EXOSC10: variants seen among roughly 807,000 people sequenced by gnomAD.
EXOSC10 encodes exosome component 10.
EXOSC10 carries 94 observed loss-of-function variants against 126.6 expected under a neutral mutation model. The observed-to-expected ratio is 0.74, with a 90% CI of 0.63 to 0.88. EXOSC10 has a LOEUF of 0.88. Ranked by LOEUF, EXOSC10 falls within the 40% of genes least tolerant of loss-of-function variation. The probability of loss-of-function intolerance (pLI) is 0.00; values close to 1 mark genes in which losing one functional copy is unlikely to be tolerated. For synonymous variants in EXOSC10, 395 were observed against 400.8 expected (o/e 0.99, Z 0.17); for missense variants, 1,041 against 1,100.5 (o/e 0.95, Z 0.77).
At chr1:11,070,436 C>T (rs1012432637) in intron 21 of EXOSC10, among the ~76,000 whole-genome samples, 1 of 147,916 alleles carries the variant, frequency 6.8e-6, no homozygotes, top group Non-Finnish European at 1.5e-5. Flanking sequence ...GAGGGAGGAT[C>T]GTTTGAGCCC....
rs149082475 is a variant in EXOSC10 at position 11,069,593 on chromosome 1, G to T, written c.2454C>A (p.Tyr818Ter). The T allele has an allele frequency of 6.2e-7, 1 of 1,613,888 alleles. No individual in the cohort carries two copies. Among genetic ancestry groups the T allele is most frequent in the South Asian group, 1.1e-5 (1 of 91,052 alleles). The change falls in exon 22 of 25, where the codon TAC (tyrosine) becomes TAA (stop). Residue 818 changes from tyrosine to a stop codon, truncating the protein, a stop_gained. Transcript: ENST00000376936. LOFTEE classifies it high-confidence loss of function. ...PEPPEKEFTP[Y>*]DYSQSDFKAF... is the part of the protein sequence containing the mutation. ...CCTTGAAGTCTGACTGGCTGTAGTCGTAAGGCGTAAACTCTTTTTCTGGTG... is the reference window on the plus strand; with the variant it reads ...CCTTGAAGTCTGACTGGCTGTAGTCTTAAGGCGTAAACTCTTTTTCTGGTG...
intron 4 of EXOSC10, 39 bp downstream of exon 4, chr1:11,091,454 C>T: frequency 6.5e-7 from 1 of 1,532,354 alleles, no homozygotes; most frequent in Non-Finnish European, 9.0e-7. Flanking sequence ...TGTTATGAAG[C>T]TGACATCAAG....
At position 11,091,015 on chromosome 1, in the gene EXOSC10, T is replaced by C. The variant is rs772081303; in HGVS notation, c.642A>G (p.Gln214=). 2.5e-6 allele frequency: 4 copies of C among 1,613,752 alleles called. No homozygotes were observed. The South Asian group carries it at 4.4e-5, about 18-fold the overall frequency. ...ACAGGCAAAGTATGCACTATTTACC[T>C]TGAGGGAGAGGTTTCTGAGCATTGG... ...IKPNAQKPLP[Q]ALSKERRERP... Residue 214 remains glutamine, a splice_region_variant and synonymous_variant, in exon 5 of 25, where the codon CAA becomes CAG. Transcript: ENST00000376936.
intron 3 of EXOSC10, among the ~76,000 whole-genome samples, chr1:11,094,847 G>A (rs1033022558): frequency 2.6e-5 from 4 of 151,736 alleles, no homozygotes; most frequent in Admixed American, 6.6e-5. Flanking sequence ...GTGATCACCC[G>A]CCTTGGCCTC....
At chr1:11,088,274 A>G in intron 6 of EXOSC10, 76 bp from the exon 7 acceptor site, 2 of 1,039,512 alleles carry the variant, frequency 1.9e-6, no homozygotes, top group Non-Finnish European at 2.9e-6. Context: ...CCTTTTATCC[A>G]ATCTGTAAAA....
At chr1:11,067,955 G>A in intron 24 of EXOSC10, 53 bp downstream of exon 24, 5 of 1,527,066 alleles carry the variant, frequency 3.3e-6, no homozygotes, top group Non-Finnish European at 3.6e-6. Context: ...CACCACGCAG[G>A]GCAGGTGCTT....
chr1:11,087,759 G>C, intron 8 of EXOSC10, 41 bp downstream of exon 8: 1 of 1,547,878 alleles, frequency 6.5e-7, no homozygotes, highest in Non-Finnish European at 8.8e-7. Context: ...TGAACTCACA[G>C]AAAAATGTAA....
intron 4 of EXOSC10, 65 bp downstream of exon 4, chr1:11,091,428 G>C: frequency 5.7e-6 from 8 of 1,402,770 alleles, no homozygotes; most frequent in Non-Finnish European, 7.0e-6. Context: ...ATGCATGTTA[G>C]AATGAGCAAA....
At chr1:11,097,653 G>T (rs1641186316) in intron 2 of EXOSC10, among the ~76,000 whole-genome samples, 1 of 151,950 alleles carries the variant, frequency 6.6e-6, no homozygotes, top group South Asian at 2.1e-4. Flanking sequence ...GTGAACCTGG[G>T]AGGCGGAGCT....
rs966108022 is a variant in EXOSC10, at chr1:11,077,383, G to T, written c.1861C>A (p.Pro621Thr). 1.2e-6 allele frequency: 2 copies of T among 1,611,918 alleles called. No homozygotes were observed. The highest frequency in any genetic ancestry group is 1.7e-6 in the Non-Finnish European group (2 of 1,178,320). ...ACTTTACCACTGGTTGGGATGATTGGATAGCCATCCGGAGGGGCATGGGAG... is the reference window on the plus strand; with the variant it reads ...ACTTTACCACTGGTTGGGATGATTGTATAGCCATCCGGAGGGGCATGGGAG... ...DCSHAPPDGY[P>T]IIPTSGSVPV... The change falls in exon 16 of 25, where the codon CCA becomes ACA. Residue 621 changes from proline (P) to threonine (T), a missense_variant. Physicochemically the swap from Pro to Thr is conservative, Grantham distance 38 (BLOSUM62 -1). This residue lies in a region of EXOSC10 where 388 missense variants were observed against 415.2 expected (regional missense o/e 0.93). Coordinates refer to ENST00000376936, the MANE Select transcript of EXOSC10 (RefSeq NM_001001998.3).
At chr1:11,074,067 G>C in intron 18 of EXOSC10, 59 bp from the exon 19 acceptor site, 1 of 1,539,370 alleles carries the variant, frequency 6.5e-7, no homozygotes, top group Non-Finnish European at 9.0e-7. Flanking sequence ...GAGCCACGGG[G>C]CAGAAGCGCT....
chr1:11,091,667 T>A, intron 3 of EXOSC10, 70 bp from the exon 4 acceptor site: 1 of 1,159,700 alleles, frequency 8.6e-7, no homozygotes, highest in Non-Finnish European at 1.3e-6. Flanking sequence ...ACCTAACATT[T>A]TATTTATTTA....
At chr1:11,097,997 A>G (rs769333223) in intron 2 of EXOSC10, 23 bp downstream of exon 2, 42 of 1,504,528 alleles carry the variant, frequency 2.8e-5, no homozygotes, top group Non-Finnish European at 3.4e-5. Flanking sequence ...CACTAACACA[A>G]GAAAACAAAG....
rs553168628 is a variant in EXOSC10 at position 11,079,396 on chromosome 1, C to CTT, written c.1749+313_1749+314dup. On this transcript the variant is annotated intron_variant, in intron 14 of 24. Transcript: ENST00000376936. ...AAGTTGGGACCCTTCAGTAGAAAATCTTTTTTTTTTTTTTTGAGACGGAGT... is the reference window on the plus strand; with the variant it reads ...AAGTTGGGACCCTTCAGTAGAAAATCTTTTTTTTTTTTTTTTTGAGACGGAGT... Among the ~76,000 whole-genome samples, 154 of 131,568 alleles carry CTT rather than the reference C, an allele frequency of 1.2e-3. 1 individual carries two copies. Among genetic ancestry groups the CTT allele is most frequent in the South Asian group, 3.8e-3 (15 of 3,960 alleles). The allele number at this position is 131,568 out of a possible 152,430, so 86.3% of individuals were successfully genotyped here. A position where few individuals can be genotyped will look rare whatever the true frequency, so the allele number is the denominator to read the frequency against.
At chr1:11,095,688 T>G (rs1180505015) in intron 3 of EXOSC10, 70 bp downstream of exon 3, 1 of 1,462,648 alleles carries the variant, frequency 6.8e-7, no homozygotes, top group Non-Finnish European at 9.5e-7. Flanking sequence ...CACTCCAGCC[T>G]GGGCGACAGA....
intron 23 of EXOSC10, 105 bp downstream of exon 23, chr1:11,068,540 A>T (rs1242594101): frequency 2.3e-6 from 2 of 856,960 alleles, no homozygotes; most frequent in African/African-American, 3.3e-5. Context: ...GAGGAAAAAG[A>T]TATGCAAAGG....
At chr1:11,088,260 A>T (rs1221076568) in intron 6 of EXOSC10, 62 bp from the exon 7 acceptor site, 5 of 1,239,076 alleles carry the variant, frequency 4.0e-6, no homozygotes, top group Non-Finnish European at 5.8e-6. Flanking sequence ...AGGGAAAAAT[A>T]ATGCCTTTTA....
chr1:11,095,424 T>C, intron 3 of EXOSC10: 1 of 205,610 alleles, frequency 4.9e-6, no homozygotes, highest in East Asian at 1.0e-4. Flanking sequence ...ACCATAAGAG[T>C]AAGGGAAGGC....
chr1:11,066,640 G>A lies in EXOSC10; in HGVS notation c.*78C>T. On this transcript the variant is annotated 3_prime_UTR_variant, in exon 25 of 25. Transcript: ENST00000376936. ...AGCTTTCTTCAGGAAGAATTTTAAT[G>A]GTTTAAAAATATGTATGTACAAAAG... is the stretch of plus-strand genomic sequence containing the variant. 1.3e-6 allele frequency: 2 copies of A among 1,491,140 alleles called. No homozygotes were observed. The highest frequency in any genetic ancestry group is 1.7e-4 in the Middle Eastern group (1 of 5,842). 92.4% of individuals were successfully genotyped at this position (1,491,140 alleles called of 1,614,324 possible).
Sources: gnomAD v4.1 joint callset for allele counts (sites outside exome capture counted in the v4.1 genomes callset) on GRCh38, gnomAD v4.1.1 for gene constraint, gnomAD v4.1.1 regional missense constraint, MANE v1.5 for transcripts, NCBI Gene and HGNC (gene_info 2026-07-23, HGNC 2026-07-21) for gene names.